The following EFCAB6 variants were observed in gnomAD, a reference collection of about 807,000 sequenced individuals.
EFCAB6 encodes EF-hand calcium binding domain 6.
In EFCAB6, 156 loss-of-function variants were observed where a neutral mutation model predicts 169.8. The ratio of observed to expected loss-of-function variants is 0.92; its 90% CI spans 0.81 to 1.05. EFCAB6 has a LOEUF of 1.05. EFCAB6 is among the 50% of genes least tolerant of loss of function. The pLI is 0.00. For missense variants in EFCAB6, 1,800 were observed against 1,829.1 expected, an observed-to-expected ratio of 0.98 and a Z score of 0.29; for synonymous variants, 698 against 676.4, an observed-to-expected ratio of 1.03 and a Z score of -0.50.
intron 5 of EFCAB6, among the ~76,000 whole-genome samples, chr22:43,761,354 T>C (rs1417768060): frequency 6.6e-6 from 1 of 152,210 alleles, no homozygotes; most frequent in Non-Finnish European, 1.5e-5. Flanking sequence ...CTCCTCTTCC[T>C]GTTTTCCAAG....
At chr22:43,598,934 G>A (rs1291648059) in intron 23 of EFCAB6, among the ~76,000 whole-genome samples, 2 of 152,176 alleles carry the variant, frequency 1.3e-5, no homozygotes, top group African/African-American at 2.4e-5. Context: ...CTCCAAATAT[G>A]TACAACTATT....
At chr22:43,712,562 T>C (rs1432114073) in intron 9 of EFCAB6, among the ~76,000 whole-genome samples, 1 of 152,204 alleles carries the variant, frequency 6.6e-6, no homozygotes, top group Non-Finnish European at 1.5e-5. Flanking sequence ...TATAAGTTCA[T>C]TAGAAAGGAC....
chr22:43,803,801 A>G (rs1343367187), intron 2 of EFCAB6, among the ~76,000 whole-genome samples: 1 of 152,358 alleles, frequency 6.6e-6, no homozygotes, highest in South Asian at 2.1e-4. Context: ...CACTGCCATT[A>G]AACTACAGAC....
At chr22:43,672,619 A>G (rs532006640) in intron 13 of EFCAB6, among the ~76,000 whole-genome samples, 1 of 152,186 alleles carries the variant, frequency 6.6e-6, no homozygotes, top group African/African-American at 2.4e-5. Flanking sequence ...TCTCACTCAT[A>G]AGTGGGAGCT....
chr22:43,530,853 C>A lies in EFCAB6; in HGVS notation c.4345G>T (p.Ala1449Ser). The A allele has an allele frequency of 6.2e-7, 1 of 1,614,154 alleles. No homozygotes were observed. The change falls in exon 31 of 32, where the codon GCT (alanine) becomes TCT (serine). Residue 1449 changes from alanine to serine, a missense_variant. Physicochemically the swap from Ala to Ser is moderately conservative, Grantham distance 99. Transcript: ENST00000262726. Reference protein sequence around the residue: ...MRRTFKSYDEAGTGLLSVADF... With the variant: ...MRRTFKSYDESGTGLLSVADF... ...GCGACGCTTAGCAGCCCTGTTCCAG[C>A]CTCATCATAGCTTTTGAACGTGCGC... is the stretch of plus-strand genomic sequence containing the variant.
intron 20 of EFCAB6, among the ~76,000 whole-genome samples, chr22:43,617,684 A>G (rs1208471512): frequency 6.6e-6 from 1 of 152,206 alleles, no homozygotes; most frequent in African/African-American, 2.4e-5. Context: ...AGTCACAGAT[A>G]CATAGGAATA....
chr22:43,570,737 C>T (rs1251878693), intron 26 of EFCAB6, among the ~76,000 whole-genome samples: 1 of 151,996 alleles, frequency 6.6e-6, no homozygotes, highest in Non-Finnish European at 1.5e-5. Context: ...GATGTGATGG[C>T]TTCCAGGCAC....
chr22:43,605,916 A>T (rs1343842075), intron 22 of EFCAB6, among the ~76,000 whole-genome samples: 1 of 152,204 alleles, frequency 6.6e-6, no homozygotes, highest in African/African-American at 2.4e-5. Flanking sequence ...TCATCTAATG[A>T]AGTGAAATAA....
At position 43,600,277 on chromosome 22, in the gene EFCAB6, C is replaced by T. The variant is rs2052401683; in HGVS notation, c.2682-14G>A. ...TCGGTGTCGTATCTTAAAACAAAAA[C>T]AAAAACAGAAAGCACTTCTCAGTAG... On this transcript the variant is annotated splice_polypyrimidine_tract_variant and intron_variant, in intron 22 of 31. Coordinates refer to ENST00000262726, the MANE Select transcript of EFCAB6 (RefSeq NM_022785.4). 4 of 1,612,242 alleles carry T rather than the reference C, an allele frequency of 2.5e-6. No homozygotes were observed. The South Asian group carries it at 4.4e-5, about 18-fold the overall frequency.
chr22:43,666,776 C>T (rs1274176908), intron 17 of EFCAB6, among the ~76,000 whole-genome samples: 1 of 139,626 alleles, frequency 7.2e-6, no homozygotes, highest in African/African-American at 2.6e-5. Flanking sequence ...AGGCAGGGGC[C>T]GAGTGGCTTT....
At chr22:43,736,045 C>G (rs778204678) in intron 6 of EFCAB6, 52 bp from the exon 7 acceptor site, 3 of 1,478,032 alleles carry the variant, frequency 2.0e-6, no homozygotes, top group Non-Finnish European at 1.8e-6. Flanking sequence ...TGTTAGGAAC[C>G]AAATGGTAAT....
chr22:43,759,021 G>A (rs1456653033), intron 5 of EFCAB6, among the ~76,000 whole-genome samples: 2 of 152,164 alleles, frequency 1.3e-5, no homozygotes, highest in Non-Finnish European at 2.9e-5. Context: ...TCAGGAGTTC[G>A]ACACCAGCCT....
intron 9 of EFCAB6, among the ~76,000 whole-genome samples, chr22:43,715,368 G>T (rs954621006): frequency 1.3e-5 from 2 of 152,104 alleles, no homozygotes; most frequent in African/African-American, 4.8e-5. Context: ...TCAGCTGGAC[G>T]ATCACAGTGC....
chr22:43,614,262 G>A (rs893404345), intron 21 of EFCAB6, among the ~76,000 whole-genome samples: 5 of 149,098 alleles, frequency 3.4e-5, no homozygotes, highest in Non-Finnish European at 7.4e-5. Flanking sequence ...AATCATGACA[G>A]TAGTACTGGT....
At chr22:43,698,696 G>C (rs1448678449) in intron 10 of EFCAB6, among the ~76,000 whole-genome samples, 1 of 152,126 alleles carries the variant, frequency 6.6e-6, no homozygotes, top group African/African-American at 2.4e-5. Flanking sequence ...ACCCAGCTGT[G>C]GTGGCCCAAT....
chr22:43,595,085 G>A (rs948148984), intron 23 of EFCAB6, among the ~76,000 whole-genome samples: 1 of 151,770 alleles, frequency 6.6e-6, no homozygotes, highest in Non-Finnish European at 1.5e-5. Flanking sequence ...AGATGAAAAT[G>A]GAAATACAAC....
At chr22:43,690,151 T>C (rs1569395620) in intron 10 of EFCAB6, among the ~76,000 whole-genome samples, 1 of 152,142 alleles carries the variant, frequency 6.6e-6, no homozygotes. Flanking sequence ...TTCTTGTACC[T>C]ACTCTTGCCT....
chr22:43,718,919 T>C (rs1447624754), intron 8 of EFCAB6, among the ~76,000 whole-genome samples: 1 of 152,220 alleles, frequency 6.6e-6, no homozygotes, highest in Non-Finnish European at 1.5e-5. Context: ...ATGAGGAAGC[T>C]GTGTCACAGA....
chr22:43,692,890 C>T (rs1181979026), intron 10 of EFCAB6, among the ~76,000 whole-genome samples: 1 of 152,026 alleles, frequency 6.6e-6, no homozygotes, highest in Non-Finnish European at 1.5e-5. Flanking sequence ...TTAAGATACA[C>T]AACAAACATC....
Sources: gnomAD v4.1 joint callset for allele counts (sites outside exome capture counted in the v4.1 genomes callset) on GRCh38, gnomAD v4.1.1 for gene constraint, MANE v1.5 for transcripts, NCBI Gene and HGNC (gene_info 2026-07-23, HGNC 2026-07-21) for gene names.